Variants in TENM3 observed in about 807,000 individuals in gnomAD.
TENM3 encodes the protein teneurin-3.
Under a neutral mutation model 255.1 loss-of-function variants are expected in TENM3, and 63 were observed. The ratio of observed to expected loss-of-function variants is 0.25; its 90% CI spans 0.20 to 0.30. The LOEUF is 0.30. TENM3 is among the 10% of genes least tolerant of loss of function. TENM3 has a pLI of 1.00. For synonymous variants in TENM3, 1,306 were observed against 1,322.3 expected (o/e 0.99, Z 0.27); for missense variants, 2,929 against 3,461.1 (o/e 0.85, Z 3.86).
At chr4:181,518,242 T>TA in the TENM3 span, among the ~76,000 whole-genome samples, 1 of 151,890 alleles carries the variant, frequency 6.6e-6, no homozygotes, top group Non-Finnish European at 1.5e-5. Context: ...GCTTTTGTGG[T>TA]AAAAAATTTG....
the TENM3 span, among the ~76,000 whole-genome samples, chr4:181,788,478 G>A: frequency 1.3e-5 from 2 of 152,120 alleles, no homozygotes; most frequent in African/African-American, 4.8e-5. Flanking sequence ...TTTCTGAATG[G>A]GAAATTTGCC....
chr4:181,933,173 A>T, the TENM3 span, among the ~76,000 whole-genome samples: 4 of 152,184 alleles, frequency 2.6e-5, no homozygotes, highest in Non-Finnish European at 5.9e-5. Context: ...TAAAAAATAA[A>T]ATAAGAAAAT....
chr4:182,706,618 TTGGTCATTTTATA>T (rs1758299703), intron 12 of TENM3, among the ~76,000 whole-genome samples: 1 of 152,136 alleles, frequency 6.6e-6, no homozygotes, highest in African/African-American at 2.4e-5. Context: ...AAAAGTACAT[TTGGTCATTTTATA>T]TGGTCATTTT....
the TENM3 span, among the ~76,000 whole-genome samples, chr4:182,059,745 C>CAAAAAAAAAAAAAAA: frequency 1.0e-3 from 42 of 41,558 alleles, no homozygotes; most frequent in Non-Finnish European, 1.3e-3. Context: ...TCTGTCTCTA[C>CAAAAAAAAAAAAAAA]AAAAAAAAAA....
chr4:182,364,503 G>A (rs1235971161), intron 3 of TENM3, among the ~76,000 whole-genome samples: 1 of 152,034 alleles, frequency 6.6e-6, no homozygotes, highest in South Asian at 2.1e-4. Context: ...TGCAAGCTCC[G>A]TCTTCCGGGT....
At chr4:182,714,315 C>CA (rs374337174) in intron 13 of TENM3, 82 bp downstream of exon 13, 3,377 of 139,808 alleles carry the variant, frequency 0.024, 21 homozygotes, top group African/African-American at 0.057. Flanking sequence ...TATCTGTTGC[C>CA]AAAAAAAAAA....
chr4:181,774,847 C>T, the TENM3 span, among the ~76,000 whole-genome samples: 27 of 117,220 alleles, frequency 2.3e-4, no homozygotes, highest in African/African-American at 9.9e-4. Context: ...GTCCTTCGCC[C>T]ACTTTTTGAT....
At chr4:181,694,115 A>G in the TENM3 span, among the ~76,000 whole-genome samples, 2 of 152,178 alleles carry the variant, frequency 1.3e-5, no homozygotes, top group Non-Finnish European at 2.9e-5. Context: ...AAGTTTTTAG[A>G]ACTGTGCCAA....
the TENM3 span, among the ~76,000 whole-genome samples, chr4:181,888,494 G>GTGTATATATATA: frequency 3.5e-5 from 1 of 28,242 alleles, no homozygotes; most frequent in African/African-American, 1.7e-4. Flanking sequence ...ATAGAAATGT[G>GTGTATATATATA]TATATATATA....
chr4:182,066,600 ATATAT>A, the TENM3 span, among the ~76,000 whole-genome samples: 175 of 118,662 alleles, frequency 1.5e-3, 2 homozygotes, highest in African/African-American at 5.3e-3. Context: ...TAAAAAAAAA[ATATAT>A]ATATATATAT....
At chr4:182,679,191 C>A (rs563965241) in intron 7 of TENM3, among the ~76,000 whole-genome samples, 4 of 149,024 alleles carry the variant, frequency 2.7e-5, no homozygotes, top group Non-Finnish European at 6.0e-5. Context: ...ACATGTACCC[C>A]AGAACTTAAA....
the TENM3 span, among the ~76,000 whole-genome samples, chr4:181,605,576 G>A: frequency 6.0e-4 from 14 of 23,156 alleles, 1 homozygote; most frequent in South Asian, 9.1e-3. Flanking sequence ...GAAAGAGAGA[G>A]AAAGAAAGGA....
the TENM3 span, among the ~76,000 whole-genome samples, chr4:181,600,546 G>T: frequency 1.3e-5 from 2 of 151,856 alleles, no homozygotes; most frequent in African/African-American, 4.8e-5. Context: ...TTGCATTTCT[G>T]ACTTGAAATT....
the TENM3 span, among the ~76,000 whole-genome samples, chr4:181,767,251 C>CAAAAAA: frequency 1.7e-4 from 13 of 75,622 alleles, no homozygotes; most frequent in South Asian, 5.2e-4. Flanking sequence ...GACTCCGTCT[C>CAAAAAA]AAAAAAAAAA....
the TENM3 span, among the ~76,000 whole-genome samples, chr4:182,118,789 A>G: frequency 6.6e-6 from 1 of 152,174 alleles, no homozygotes; most frequent in Non-Finnish European, 1.5e-5. Context: ...AGCCTTACAT[A>G]CCTGGGATAA....
intron 3 of TENM3, among the ~76,000 whole-genome samples, chr4:182,434,940 A>G (rs1771940430): frequency 6.6e-6 from 1 of 152,170 alleles, no homozygotes; most frequent in South Asian, 2.1e-4. Context: ...GCAGTGATCA[A>G]CAGAACAATG....
At chr4:181,781,138 G>GT in the TENM3 span, among the ~76,000 whole-genome samples, 2 of 152,170 alleles carry the variant, frequency 1.3e-5, no homozygotes, top group Non-Finnish European at 2.9e-5. Flanking sequence ...CTTTAAAGTA[G>GT]TTTTTTCCAA....
chr4:182,253,865 A>T (rs1758200145), intron 1 of TENM3, among the ~76,000 whole-genome samples: 1 of 145,340 alleles, frequency 6.9e-6, no homozygotes, highest in Admixed American at 6.8e-5. Context: ...TAAATGCCTT[A>T]AAAAAAATAC....
the TENM3 span, among the ~76,000 whole-genome samples, chr4:182,108,222 C>A: frequency 6.6e-6 from 1 of 152,194 alleles, no homozygotes; most frequent in Non-Finnish European, 1.5e-5. Flanking sequence ...GCCTCATAGC[C>A]ATCCCTGATT....
Sources: gnomAD v4.1 joint callset for allele counts (sites outside exome capture counted in the v4.1 genomes callset) on GRCh38, gnomAD v4.1.1 for gene constraint, MANE v1.5 for transcripts, NCBI Gene and HGNC (gene_info 2026-07-23, HGNC 2026-07-21) for gene names.